GMDS: variants seen among roughly 807,000 people sequenced by gnomAD.
GMDS encodes the protein GDP-mannose 4,6 dehydratase.
In GMDS, 20 loss-of-function variants were observed where a neutral mutation model predicts 49.9. The observed-to-expected ratio is 0.40, with a 90% CI of 0.28 to 0.58. The LOEUF (loss-of-function observed/expected upper bound fraction) is 0.58. Among genes scored for constraint, GMDS ranks in the 20% least tolerant of loss-of-function variants. GMDS has a pLI of 0.42. For missense variants in GMDS, 362 were observed against 481.4 expected, an observed-to-expected ratio of 0.75 and a Z score of 2.32; for synonymous variants, 177 against 178.6, an observed-to-expected ratio of 0.99 and a Z score of 0.07.
At chr6:2,042,790 C>T (rs998941263) in intron 4 of GMDS, among the ~76,000 whole-genome samples, 3 of 152,042 alleles carry the variant, frequency 2.0e-5, no homozygotes, top group Admixed American at 6.6e-5. Flanking sequence ...TTTTTAAAGA[C>T]CCAGTAACAA....
intron 1 of GMDS, among the ~76,000 whole-genome samples, chr6:2,230,937 T>TCCCCCCCCCCCC (rs1394372739): frequency 4.9e-5 from 1 of 20,594 alleles, no homozygotes; most frequent in Non-Finnish European, 8.7e-5. Context: ...TCTTCCCCCC[T>TCCCCCCCCCCCC]CCCACCCCCC....
At chr6:2,028,177 C>T (rs1005662779) in intron 4 of GMDS, among the ~76,000 whole-genome samples, 1 of 152,206 alleles carries the variant, frequency 6.6e-6, no homozygotes, top group Admixed American at 6.5e-5. Context: ...TTTGTTCACA[C>T]AAACAGCGCC....
chr6:1,835,811 A>G (rs13209589), intron 7 of GMDS, among the ~76,000 whole-genome samples: 31,382 of 152,104 alleles, frequency 0.21, 3,977 homozygotes, highest in Middle Eastern at 0.32. Flanking sequence ...GAGGCCATCA[A>G]TTTAATGTTC....
At chr6:2,225,836 A>G (rs1268993141) in intron 1 of GMDS, among the ~76,000 whole-genome samples, 1 of 152,206 alleles carries the variant, frequency 6.6e-6, no homozygotes, top group Non-Finnish European at 1.5e-5. Context: ...AACTATTTAA[A>G]TAAGATTCCA....
intron 6 of GMDS, among the ~76,000 whole-genome samples, chr6:1,955,667 C>G (rs1561920917): frequency 1.3e-5 from 2 of 151,696 alleles, no homozygotes; most frequent in African/African-American, 4.8e-5. Context: ...AACTGTTGAT[C>G]TGATGCTAGC....
intron 9 of GMDS, among the ~76,000 whole-genome samples, chr6:1,709,361 G>A (rs527305539): frequency 4.6e-5 from 7 of 152,350 alleles, no homozygotes; most frequent in Non-Finnish European, 7.3e-5. Flanking sequence ...GGGGGAGCAC[G>A]GCCTGGAAAC....
chr6:1,999,937 TATATAATATATAATATGTATA>T (rs1481600387), intron 4 of GMDS, among the ~76,000 whole-genome samples: 1 of 74,888 alleles, frequency 1.3e-5, no homozygotes, highest in Non-Finnish European at 2.5e-5. Flanking sequence ...TATATTATTA[TATATAATATATAATATGTATA>T]TTATATATAT....
At chr6:2,204,677 G>A (rs939025483) in intron 1 of GMDS, among the ~76,000 whole-genome samples, 10 of 152,192 alleles carry the variant, frequency 6.6e-5, no homozygotes, top group South Asian at 2.1e-4. Context: ...GGTGCAGAAC[G>A]GAGCATTCCC....
In GMDS at chr6:1,757,336, C is replaced by T. The variant is rs146142717; in HGVS notation, c.772-14750G>A. On this transcript the variant is annotated intron_variant, in intron 7 of 10. Coordinates refer to ENST00000380815, the MANE Select transcript of GMDS (RefSeq NM_001500.4). ...TCCCAGAAGTGGTTGTTTCCTGGAG[C>T]GTGCCAAGCCACCTACTTCAGCCAG... is the stretch of plus-strand genomic sequence containing the variant. 4.4e-3 allele frequency among the ~76,000 whole-genome samples: 676 copies of T among 152,256 alleles called. 4 individuals carry two copies. Among genetic ancestry groups the T allele is most frequent in the African/African-American group, 0.015 (616 of 41,556 alleles).
intron 7 of GMDS, among the ~76,000 whole-genome samples, chr6:1,895,692 C>T (rs965439765): frequency 1.3e-5 from 2 of 152,144 alleles, no homozygotes; most frequent in Admixed American, 6.5e-5. Context: ...AAATGTGTAA[C>T]AAAATGAACA....
intron 7 of GMDS, among the ~76,000 whole-genome samples, chr6:1,789,485 A>G (rs1769442304): frequency 6.6e-6 from 1 of 151,790 alleles, no homozygotes; most frequent in Non-Finnish European, 1.5e-5. Context: ...TTTATTATAT[A>G]AGTTAGATAG....
chr6:1,807,210 T>G (rs1260207496), intron 7 of GMDS, among the ~76,000 whole-genome samples: 1 of 152,072 alleles, frequency 6.6e-6, no homozygotes, highest in East Asian at 1.9e-4. Context: ...CCTGGCAAAT[T>G]TTTACATTTT....
At chr6:1,971,732 C>G (rs1764625785) in intron 4 of GMDS, among the ~76,000 whole-genome samples, 1 of 152,208 alleles carries the variant, frequency 6.6e-6, no homozygotes, top group African/African-American at 2.4e-5. Flanking sequence ...CCATCTCTCA[C>G]CCCTACTGCT....
At chr6:1,759,027 A>G (rs1175929932) in intron 7 of GMDS, among the ~76,000 whole-genome samples, 1 of 152,128 alleles carries the variant, frequency 6.6e-6, no homozygotes, top group Admixed American at 6.5e-5. Flanking sequence ...GGTTCAAGTG[A>G]TTCTCACGCC....
intron 7 of GMDS, among the ~76,000 whole-genome samples, chr6:1,838,209 T>C (rs1757010193): frequency 6.6e-6 from 1 of 151,582 alleles, no homozygotes; most frequent in South Asian, 2.1e-4. Flanking sequence ...TGCAAACTAA[T>C]TACTTAGAGC....
At chr6:2,000,986 A>C (rs537503223) in intron 4 of GMDS, among the ~76,000 whole-genome samples, 6 of 152,202 alleles carry the variant, frequency 3.9e-5, no homozygotes, top group Non-Finnish European at 8.8e-5. Context: ...GTGTGGACCT[A>C]TGCTTTCATT....
chr6:2,157,956 G>A (rs1450547127), intron 1 of GMDS, among the ~76,000 whole-genome samples: 1 of 152,050 alleles, frequency 6.6e-6, no homozygotes, highest in Non-Finnish European at 1.5e-5. Context: ...GTTTGGAAAT[G>A]GGCATTAAAA....
chr6:2,056,626 G>A (rs1770794181), intron 4 of GMDS, among the ~76,000 whole-genome samples: 1 of 152,078 alleles, frequency 6.6e-6, no homozygotes, highest in Non-Finnish European at 1.5e-5. Flanking sequence ...GCAGATGCCA[G>A]GAAATAACCC....
At chr6:1,852,711 A>ATTTTTTTT (rs777786801) in intron 7 of GMDS, among the ~76,000 whole-genome samples, 3,895 of 142,428 alleles carry the variant, frequency 0.027, 169 homozygotes, top group African/African-American at 0.094. Context: ...GTGGGATCCG[A>ATTTTTTTT]TTTTTTTTTT....
Sources: allele counts gnomAD v4.1 joint callset (sites outside exome capture counted in the v4.1 genomes callset), GRCh38; gene constraint gnomAD v4.1.1; transcripts MANE v1.5; gene names NCBI Gene and HGNC (gene_info 2026-07-23, HGNC 2026-07-21).